The following LRRC75A variants were observed in gnomAD, a reference collection of about 807,000 sequenced individuals.
The protein encoded by LRRC75A is leucine-rich repeat-containing protein 75A.
Under a neutral mutation model 26.0 loss-of-function variants are expected in LRRC75A, and 12 were observed. The observed-to-expected ratio is 0.46, with a 90% CI of 0.30 to 0.75. LRRC75A has a LOEUF of 0.75. Among genes scored for constraint, LRRC75A ranks in the 30% least tolerant of loss-of-function variants. The probability of loss-of-function intolerance (pLI) is 0.08; values close to 1 mark genes in which losing one functional copy is unlikely to be tolerated. For missense variants in LRRC75A, 410 were observed against 486.6 expected, an observed-to-expected ratio of 0.84 and a Z score of 1.48; for synonymous variants, 223 against 219.3, an observed-to-expected ratio of 1.02 and a Z score of -0.15.
At position 16,442,669 on chromosome 17, in the gene LRRC75A, A is replaced by G. The variant is rs1442146043; in HGVS notation, c.*919T>C. ...TAAGGTTTTAAAGCCCACCTTCTGC[A>G]GTCGGTTTTCTGGAATGTGTTGGTG... On this transcript the variant is annotated 3_prime_UTR_variant, in exon 4 of 4. Coordinates refer to ENST00000470794, the MANE Select transcript of LRRC75A (RefSeq NM_001113567.3). The G allele has an allele frequency of 1.3e-5, 2 of 152,244 alleles. No homozygotes were observed. Among genetic ancestry groups the G allele is most frequent in the African/African-American group, 4.8e-5 (2 of 41,432 alleles). 9.4% of individuals were successfully genotyped at this position (152,244 alleles called of 1,614,324 possible). A position where few individuals can be genotyped will look rare whatever the true frequency, so the allele number is the denominator to read the frequency against.
chr17:16,491,689 CGG>C lies in LRRC75A; in HGVS notation c.246+54_246+55del. 8.2e-7 allele frequency: 1 copy of C among 1,215,072 alleles called. No individual in the cohort carries two copies. The highest frequency in any genetic ancestry group is 1.0e-6 in the Non-Finnish European group (1 of 961,738). The allele number at this position is 1,215,072 out of a possible 1,614,324, so 75.3% of individuals were successfully genotyped here. On this transcript the variant is annotated intron_variant, in intron 1 of 3. Coordinates refer to ENST00000470794, the MANE Select transcript of LRRC75A (RefSeq NM_001113567.3). This position sits in a 1 kb window ranked among gnomAD's most constrained non-coding sequence, Gnocchi z 5.9. ...TCGGTTAGGGATGGGGCGCCCCCCC[CGG>C]CCCAGCACGCCCCCTGGCCCGGCGC... is the stretch of plus-strand genomic sequence containing the variant.
At chr17:16,453,190 G>A (rs1292499974) in intron 2 of LRRC75A, among the ~76,000 whole-genome samples, 1 of 152,152 alleles carries the variant, frequency 6.6e-6, no homozygotes, top group African/African-American at 2.4e-5. Flanking sequence ...TTGGGAGGCT[G>A]TGGCAGGAGA....
intron 3 of LRRC75A, among the ~76,000 whole-genome samples, chr17:16,447,550 A>G (rs1021919988): frequency 1.3e-5 from 2 of 152,134 alleles, no homozygotes; most frequent in African/African-American, 4.8e-5. Context: ...CACCTGCCTC[A>G]GCCTCCCAAA....
intron 2 of LRRC75A, among the ~76,000 whole-genome samples, chr17:16,454,584 G>A (rs1016381999): frequency 3.3e-5 from 5 of 151,836 alleles, no homozygotes; most frequent in African/African-American, 2.4e-5. Context: ...CCAGCTGCTC[G>A]GAAGGCTGAG....
At chr17:16,481,925 A>C (rs1253457598) in intron 1 of LRRC75A, among the ~76,000 whole-genome samples, 1 of 152,044 alleles carries the variant, frequency 6.6e-6, no homozygotes, top group African/African-American at 2.4e-5. Context: ...CCCTTTCCAT[A>C]GTCCGCATAC....
chr17:16,449,144 T>C lies in LRRC75A; in HGVS notation c.376-1184A>G, dbSNP rs139537369. Among the ~76,000 whole-genome samples the C allele has an allele frequency of 4.0e-3, 604 of 152,250 alleles. 2 individuals carry two copies. Among genetic ancestry groups the C allele is most frequent in the Non-Finnish European group, 7.1e-3 (480 of 68,006 alleles). On this transcript the variant is annotated intron_variant, in intron 2 of 3. Transcript: ENST00000470794. Reference sequence around the variant, plus strand: ...CGCTGGACTCAGATGCAAACCCACATGTGGCCAACGACTCGGTGTGGGGAG... The same window carrying C: ...CGCTGGACTCAGATGCAAACCCACACGTGGCCAACGACTCGGTGTGGGGAG...
At chr17:16,451,898 A>C (rs1200013712) in intron 2 of LRRC75A, among the ~76,000 whole-genome samples, 2 of 147,802 alleles carry the variant, frequency 1.4e-5, no homozygotes, top group Non-Finnish European at 3.0e-5. Flanking sequence ...GCGCCCGCCA[A>C]CATGCCCGGC....
In LRRC75A at chr17:16,443,091, C is replaced by T. The variant is rs982368761; in HGVS notation, c.*497G>A. 3 of 154,842 alleles carry T rather than the reference C, an allele frequency of 1.9e-5. No individual in the cohort carries two copies. The highest frequency in any genetic ancestry group is 1.9e-4 in the East Asian group (1 of 5,244). 9.6% of individuals were successfully genotyped at this position (154,842 alleles called of 1,614,324 possible). A position where few individuals can be genotyped will look rare whatever the true frequency, so the allele number is the denominator to read the frequency against. ...CCTAGCATAGATGGAACTGGGGTCTCGGGCAACCAGGAGTTACAGGAATTT... is the reference window on the plus strand; with the variant it reads ...CCTAGCATAGATGGAACTGGGGTCTTGGGCAACCAGGAGTTACAGGAATTT... On this transcript the variant is annotated 3_prime_UTR_variant, in exon 4 of 4. Transcript: ENST00000470794.
At chr17:16,486,158 G>A (rs78139010) in intron 1 of LRRC75A, among the ~76,000 whole-genome samples, 9,219 of 152,208 alleles carry the variant, frequency 0.061, 307 homozygotes, top group Non-Finnish European at 0.069. Context: ...AGAAAAGCAC[G>A]CATGGCAATG....
In LRRC75A at chr17:16,470,863, G is replaced by C. The variant is rs545198421; in HGVS notation, c.247-8477C>G. Among the ~76,000 whole-genome samples the C allele has an allele frequency of 5.9e-5, 9 of 152,202 alleles. No homozygotes were observed. The South Asian group carries it at 1.7e-3, about 28-fold the overall frequency. ...TTGGAGACCAGAAATCTGAAATCAG[G>C]GTGTTGGCAGAGCTGCACTCCCTCT... On this transcript the variant is annotated intron_variant, in intron 1 of 3. Transcript: ENST00000470794.
chr17:16,481,459 T>A (rs1412620226), intron 1 of LRRC75A, among the ~76,000 whole-genome samples: 2 of 152,200 alleles, frequency 1.3e-5, no homozygotes, highest in African/African-American at 4.8e-5. Flanking sequence ...CGGGAAGACA[T>A]TAAGAGCCTT....
Position 16,462,159 on chromosome 17 carries a change from C to T in LRRC75A, c.375+99G>A. On this transcript the variant is annotated intron_variant, in intron 2 of 3. Transcript: ENST00000470794. The surrounding 1 kb of genome is among the most constrained non-coding windows in gnomAD (Gnocchi z 4.6). ...GGAGGACGGGCTTGTCCTCCTTGGG[C>T]CTGTCTGCCAGTCCTCCTTGGGCAT... The T allele has an allele frequency of 2.2e-6, 3 of 1,362,912 alleles. No homozygotes were observed. Among genetic ancestry groups the T allele is most frequent in the Admixed American group, 2.1e-5 (1 of 48,280 alleles). The allele number at this position is 1,362,912 out of a possible 1,614,324, so 84.4% of individuals were successfully genotyped here.
At chr17:16,489,377 G>A (rs2093852883) in intron 1 of LRRC75A, among the ~76,000 whole-genome samples, 1 of 152,124 alleles carries the variant, frequency 6.6e-6, no homozygotes, top group South Asian at 2.1e-4. Context: ...GGTGCCCCAC[G>A]CTTTGCAGAC....
At chr17:16,444,234 C>CT in intron 3 of LRRC75A, 103 bp from the exon 4 acceptor site, 1 of 995,846 alleles carries the variant, frequency 1.0e-6, no homozygotes, top group African/African-American at 1.6e-5. Context: ...CTAGGGACTG[C>CT]TTTTACGAAA....
chr17:16,489,105 G>A (rs2093852384), intron 1 of LRRC75A, among the ~76,000 whole-genome samples: 1 of 152,162 alleles, frequency 6.6e-6, no homozygotes, highest in African/African-American at 2.4e-5. Context: ...TGGGAAGATT[G>A]TGTGTAGCTT....
At chr17:16,477,832 G>A (rs572511844) in intron 1 of LRRC75A, among the ~76,000 whole-genome samples, 14 of 152,216 alleles carry the variant, frequency 9.2e-5, no homozygotes, top group Admixed American at 5.9e-4. Context: ...GGCATGGGGT[G>A]GGGGTGGCGT....
chr17:16,468,396 A>G (rs1271203273), intron 1 of LRRC75A, among the ~76,000 whole-genome samples: 1 of 152,252 alleles, frequency 6.6e-6, no homozygotes, highest in African/African-American at 2.4e-5. Flanking sequence ...GGGGATTCCA[A>G]CACATGCTAC....
chr17:16,462,277 T>C lies in LRRC75A; in HGVS notation c.356A>G (p.Tyr119Cys). Residue 119 changes from tyrosine to cysteine, a missense_variant, in exon 2 of 4, where the codon TAC becomes TGC. Physicochemically the swap from Tyr to Cys is radical, Grantham distance 194. Coordinates refer to ENST00000470794, the MANE Select transcript of LRRC75A (RefSeq NM_001113567.3). The surrounding 1 kb of genome is among the most constrained non-coding windows in gnomAD (Gnocchi z 4.6). ...CCCTACCGGCTTGGGACAGTGGATG[T>C]AGCGTGCCAGGCTGATGATGAGGTC... ...THDLIISLAR[Y>C]IHCPKPEGDA... 6.2e-7 allele frequency: 1 copy of C among 1,614,054 alleles called. No homozygotes were observed. The highest frequency in any genetic ancestry group is 8.5e-7 in the Non-Finnish European group (1 of 1,179,956).
At chr17:16,466,691 ACACAGCAG>A (rs1294264078) in intron 1 of LRRC75A, among the ~76,000 whole-genome samples, 1 of 152,160 alleles carries the variant, frequency 6.6e-6, no homozygotes, top group East Asian at 1.9e-4. Flanking sequence ...CGGACCCAGC[ACACAGCAG>A]CACACGGCAT....
Sources: allele counts gnomAD v4.1 joint callset (sites outside exome capture counted in the v4.1 genomes callset), GRCh38; gene constraint gnomAD v4.1.1; non-coding constraint Gnocchi (gnomAD v3.1); transcripts MANE v1.5; gene names NCBI Gene and HGNC (gene_info 2026-07-23, HGNC 2026-07-21).